Variants in LINC00305 observed in about 807,000 individuals in gnomAD.
LINC00305 encodes the protein long independently transcribed non-coding RNA 305, also known as long intergenic non-protein coding RNA 305.
At chr18:64,086,174 GA>G (rs2051202772) in intron 3 of LINC00305, among the ~76,000 whole-genome samples, 1 of 152,108 alleles carries the variant, frequency 6.6e-6, no homozygotes, top group Non-Finnish European at 1.5e-5. Context: ...TTAGTTTAGT[GA>G]TATTTTTATT....
chr18:64,145,197 G>T (rs553156248), intron 1 of LINC00305, among the ~76,000 whole-genome samples: 5 of 152,182 alleles, frequency 3.3e-5, no homozygotes, highest in Non-Finnish European at 7.4e-5. Context: ...TTAAGGCTCT[G>T]TTAGAAATTA....
chr18:64,148,579 G>A (rs751478373), intron 1 of LINC00305, among the ~76,000 whole-genome samples: 1 of 152,112 alleles, frequency 6.6e-6, no homozygotes, highest in Non-Finnish European at 1.5e-5. Context: ...AAGCAAGATG[G>A]GGGGTTATCT....
chr18:64,091,916 A>T (rs1010671306), intron 3 of LINC00305, among the ~76,000 whole-genome samples: 2 of 152,208 alleles, frequency 1.3e-5, no homozygotes, highest in African/African-American at 4.8e-5. Flanking sequence ...TTTTTAAATT[A>T]TTTAAGTAGA....
intron 1 of LINC00305, among the ~76,000 whole-genome samples, chr18:64,100,511 G>A (rs1258339619): frequency 6.6e-6 from 1 of 152,078 alleles, no homozygotes; most frequent in Non-Finnish European, 1.5e-5. Flanking sequence ...CTTCTTCACT[G>A]GTTATTTGTG....
At chr18:64,127,238 C>T (rs1485861055) in intron 1 of LINC00305, 2 of 152,058 alleles carry the variant, frequency 1.3e-5, no homozygotes, top group African/African-American at 2.4e-5. Context: ...AATATACTTT[C>T]TATAGTTCTG....
intron 1 of LINC00305, among the ~76,000 whole-genome samples, chr18:64,103,290 C>T (rs1051809186): frequency 1.3e-5 from 2 of 152,148 alleles, no homozygotes; most frequent in African/African-American, 2.4e-5. Context: ...AGTCTTCATT[C>T]GTGTGTAGAT....
At chr18:64,081,147 AT>A (rs1207030538) in intron 3 of LINC00305, among the ~76,000 whole-genome samples, 2 of 152,172 alleles carry the variant, frequency 1.3e-5, no homozygotes, top group Non-Finnish European at 2.9e-5. Context: ...CCAAATAGCT[AT>A]TTTTTTATAA....
intron 3 of LINC00305, among the ~76,000 whole-genome samples, chr18:64,083,559 AT>A (rs2051192668): frequency 6.6e-6 from 1 of 152,222 alleles, no homozygotes; most frequent in South Asian, 2.1e-4. Context: ...CAGAAACTTT[AT>A]GTACTAGCCC....
chr18:64,136,109 T>C (rs1568139), intron 1 of LINC00305, among the ~76,000 whole-genome samples: 129,920 of 152,200 alleles, frequency 0.85, 55,474 homozygotes, highest in Middle Eastern at 0.91. Flanking sequence ...ACCTGCTTTC[T>C]CAGGAGGATG....
chr18:64,094,948 G>C (rs2051239636), intron 3 of LINC00305, among the ~76,000 whole-genome samples: 1 of 151,986 alleles, frequency 6.6e-6, no homozygotes. Context: ...CTCAATCTGT[G>C]TACCTGTCAT....
At chr18:64,086,069 A>C (rs1316677914) in intron 3 of LINC00305, among the ~76,000 whole-genome samples, 1 of 152,218 alleles carries the variant, frequency 6.6e-6, no homozygotes, top group Non-Finnish European at 1.5e-5. Context: ...TGAGATTTAT[A>C]AACTGGAATC....
intron 3 of LINC00305, among the ~76,000 whole-genome samples, chr18:64,088,809 GCC>G: frequency 6.6e-6 from 1 of 152,146 alleles, no homozygotes; most frequent in Non-Finnish European, 1.5e-5. Flanking sequence ...CAGAGCCTGT[GCC>G]AGCTATAATG....
At chr18:64,134,517 T>C (rs1010211000) in intron 1 of LINC00305, among the ~76,000 whole-genome samples, 1 of 152,228 alleles carries the variant, frequency 6.6e-6, no homozygotes, top group African/African-American at 2.4e-5. Flanking sequence ...TCTGCATACC[T>C]ACCTTTTAGT....
chr18:64,104,512 C>T (rs1304259663), intron 1 of LINC00305, among the ~76,000 whole-genome samples: 6 of 152,308 alleles, frequency 3.9e-5, no homozygotes, highest in African/African-American at 9.6e-5. Context: ...CTTGCCTTCA[C>T]GTGCTGGCAT....
chr18:64,112,284 CG>C (rs2051318070), intron 1 of LINC00305, among the ~76,000 whole-genome samples: 1 of 150,222 alleles, frequency 6.7e-6, no homozygotes, highest in South Asian at 2.1e-4. Flanking sequence ...AGCGACTACA[CG>C]CTGCGATTTA....
chr18:64,137,163 T>G (rs556601801), intron 1 of LINC00305, among the ~76,000 whole-genome samples: 1 of 152,144 alleles, frequency 6.6e-6, no homozygotes, highest in African/African-American at 2.4e-5. Context: ...AAGAGCACCA[T>G]GTGATGCTGA....
intron 1 of LINC00305, among the ~76,000 whole-genome samples, chr18:64,106,443 T>C (rs540593807): frequency 1.3e-5 from 2 of 152,144 alleles, no homozygotes; most frequent in African/African-American, 4.8e-5. Context: ...TGTCACCACC[T>C]AGAAGCTTCT....
chr18:64,098,683 G>A (rs2051256623), intron 1 of LINC00305: 2 of 408,734 alleles, frequency 4.9e-6, no homozygotes, highest in South Asian at 3.6e-5. Flanking sequence ...TTCAGTGAAT[G>A]CTGCAAAACA....
chr18:64,138,592 T>A (rs1301916879), intron 1 of LINC00305, among the ~76,000 whole-genome samples: 1 of 152,160 alleles, frequency 6.6e-6, no homozygotes, highest in Non-Finnish European at 1.5e-5. Flanking sequence ...TCTGATGAGA[T>A]TTTTTTGGCA....
Sources: allele counts gnomAD v4.1 joint callset (sites outside exome capture counted in the v4.1 genomes callset), GRCh38; gene constraint gnomAD v4.1.1; transcripts MANE v1.5; gene names NCBI Gene and HGNC (gene_info 2026-07-23, HGNC 2026-07-21).